TMEM248: variants seen among roughly 807,000 people sequenced by gnomAD.
TMEM248 encodes transmembrane protein 248, also known as UPF0458 protein C7orf42.
In TMEM248, 9 loss-of-function variants were observed where a neutral mutation model predicts 30.3. The ratio of observed to expected loss-of-function variants is 0.30; its 90% CI spans 0.18 to 0.52. The LOEUF is 0.52. TMEM248 is among the 20% of genes least tolerant of loss of function. The pLI is 0.97. For missense variants in TMEM248, 338 were observed against 403.3 expected (o/e 0.84, Z 1.39); for synonymous variants, 184 against 154.4 (o/e 1.19, Z -1.42).
rs199854015 is a variant in TMEM248, at chr7:66,956,895, G to GA, written c.*1375dup. 6,768 of 152,216 alleles carry GA rather than the reference G, an allele frequency of 0.044. 291 individuals carry two copies. The highest frequency in any genetic ancestry group is 0.12 in the Admixed American group (1,863 of 15,252). The allele number at this position is 152,216 out of a possible 1,614,324, so 9.4% of individuals were successfully genotyped here. On this transcript the variant is annotated 3_prime_UTR_variant, in exon 7 of 7. Coordinates refer to ENST00000341567, the MANE Select transcript of TMEM248 (RefSeq NM_017994.5). ...TCCCTCTGTTGCCCAGGCTGGTCTG[G>GA]AACTCCTAGCTTCAAATGATCCTCT...
At chr7:66,939,980 G>A (rs899392712) in intron 1 of TMEM248, among the ~76,000 whole-genome samples, 1 of 152,044 alleles carries the variant, frequency 6.6e-6, no homozygotes, top group African/African-American at 2.4e-5. Context: ...AATTGAGACA[G>A]TCTCATTCTG....
intron 4 of TMEM248, 134 bp from the exon 5 acceptor site, chr7:66,950,818 T>C: frequency 1.7e-6 from 1 of 605,252 alleles, no homozygotes; most frequent in African/African-American, 1.9e-5. Flanking sequence ...CAAAGAAGCA[T>C]GAACGTGTAA....
At chr7:66,935,048 C>T (rs1326651849) in intron 1 of TMEM248, among the ~76,000 whole-genome samples, 1 of 151,844 alleles carries the variant, frequency 6.6e-6, no homozygotes, top group Non-Finnish European at 1.5e-5. Context: ...GAGTGAGACT[C>T]TTGTGTCCAA....
intron 1 of TMEM248, among the ~76,000 whole-genome samples, chr7:66,924,652 A>G (rs1285146046): frequency 6.6e-6 from 1 of 151,378 alleles, no homozygotes; most frequent in Non-Finnish European, 1.5e-5. Context: ...TGGTCCGCCC[A>G]CTGCGGCCTC....
intron 3 of TMEM248, among the ~76,000 whole-genome samples, chr7:66,946,023 G>T (rs1236578041): frequency 6.6e-6 from 1 of 151,752 alleles, no homozygotes; most frequent in East Asian, 1.9e-4. Context: ...GGCAGAGGTT[G>T]CAGTGAGCTG....
intron 5 of TMEM248, 145 bp downstream of exon 5, chr7:66,951,280 C>G: frequency 1.4e-6 from 1 of 705,866 alleles, no homozygotes; most frequent in Non-Finnish European, 2.1e-6. Flanking sequence ...TGAGTTAGGA[C>G]ACTAGGCGGA....
At chr7:66,938,209 GT>G (rs1791854911) in intron 1 of TMEM248, among the ~76,000 whole-genome samples, 1 of 151,932 alleles carries the variant, frequency 6.6e-6, no homozygotes, top group African/African-American at 2.4e-5. Context: ...TTTGTTAGTT[GT>G]TTTTTGGTTG....
chr7:66,952,283 A>G (rs1408691726), intron 5 of TMEM248, among the ~76,000 whole-genome samples: 1 of 152,112 alleles, frequency 6.6e-6, no homozygotes, highest in African/African-American at 2.4e-5. Context: ...CATGTTGGCC[A>G]GGTTGGTGTT....
In TMEM248 at chr7:66,945,167, C is replaced by T. The variant is rs777928351; in HGVS notation, c.351C>T (p.Thr117=). ...CGGTGAATATCTCAGTCTCAATCAC[C>T]CTAACCCTGGACCCACTGAAACCCT... ...SGPVNISVSI[T]LTLDPLKPFG... Residue 117 remains threonine (T), a synonymous_variant, in exon 3 of 7, where the codon ACC becomes ACT. Transcript: ENST00000341567. The T allele has an allele frequency of 6.2e-7, 1 of 1,614,202 alleles. No individual in the cohort carries two copies. The highest frequency in any genetic ancestry group is 2.2e-5 in the East Asian group (1 of 44,880).
chr7:66,944,387 G>C (rs927982526), intron 2 of TMEM248, among the ~76,000 whole-genome samples: 1 of 152,146 alleles, frequency 6.6e-6, no homozygotes, highest in Non-Finnish European at 1.5e-5. Flanking sequence ...TTACAGGTGC[G>C]AGCCACCGTA....
At chr7:66,931,795 T>C (rs1201482191) in intron 1 of TMEM248, among the ~76,000 whole-genome samples, 1 of 111,662 alleles carries the variant, frequency 9.0e-6, no homozygotes. Flanking sequence ...CTTCCTCCTT[T>C]TTTTTTTTTT....
intron 1 of TMEM248, among the ~76,000 whole-genome samples, chr7:66,931,023 C>G (rs1053974077): frequency 6.6e-6 from 1 of 151,968 alleles, no homozygotes; most frequent in Non-Finnish European, 1.5e-5. Context: ...GAATGGTGGG[C>G]CTGGTGTGGT....
chr7:66,952,877 G>A (rs562019077), intron 5 of TMEM248, among the ~76,000 whole-genome samples: 37 of 152,328 alleles, frequency 2.4e-4, no homozygotes, highest in African/African-American at 8.7e-4. Context: ...ACGAGGATGT[G>A]TCCAGAAAGG....
intron 1 of TMEM248, among the ~76,000 whole-genome samples, chr7:66,940,812 TAA>T (rs1489570284): frequency 6.6e-6 from 1 of 152,246 alleles, no homozygotes; most frequent in East Asian, 1.9e-4. Context: ...GAATGTCGAA[TAA>T]ATAGAATTCA....
chr7:66,956,642 A>G lies in TMEM248; in HGVS notation c.*1120A>G, dbSNP rs1038794875. On this transcript the variant is annotated 3_prime_UTR_variant, in exon 7 of 7. Coordinates refer to ENST00000341567, the MANE Select transcript of TMEM248 (RefSeq NM_017994.5). Reference sequence around the variant, plus strand: ...GGAATGCAATTCTGATTTGCCATTTATCAGGGAAAACTGAAAGCATTTTTC... The same window carrying G: ...GGAATGCAATTCTGATTTGCCATTTGTCAGGGAAAACTGAAAGCATTTTTC... The G allele has an allele frequency of 1.3e-5, 2 of 152,232 alleles. No individual in the cohort carries two copies. Among genetic ancestry groups the G allele is most frequent in the African/African-American group, 4.8e-5 (2 of 41,456 alleles). 9.4% of individuals were successfully genotyped at this position (152,232 alleles called of 1,614,324 possible).
At chr7:66,947,407 TTTG>T (rs1335140804) in intron 3 of TMEM248, among the ~76,000 whole-genome samples, 2 of 152,008 alleles carry the variant, frequency 1.3e-5, no homozygotes, top group Non-Finnish European at 2.9e-5. Flanking sequence ...TTCGGGATTT[TTTG>T]TTGTTATTTT....
chr7:66,932,327 TC>T, intron 1 of TMEM248, among the ~76,000 whole-genome samples: 1 of 152,334 alleles, frequency 6.6e-6, no homozygotes, highest in East Asian at 1.9e-4. Context: ...CACAGTCTTT[TC>T]CTGGCCACCC....
intron 1 of TMEM248, among the ~76,000 whole-genome samples, chr7:66,941,591 C>T (rs1791957748): frequency 6.9e-6 from 1 of 145,444 alleles, no homozygotes; most frequent in East Asian, 2.0e-4. Flanking sequence ...CACACACACA[C>T]ACACACAATA....
chr7:66,923,219 C>T (rs1319608601), intron 1 of TMEM248, among the ~76,000 whole-genome samples: 1 of 151,824 alleles, frequency 6.6e-6, no homozygotes, highest in Non-Finnish European at 1.5e-5. Flanking sequence ...GAAGTTAGCT[C>T]ACTGCAACCT....
Sources: gnomAD v4.1 joint callset for allele counts (sites outside exome capture counted in the v4.1 genomes callset) on GRCh38, gnomAD v4.1.1 for gene constraint, MANE v1.5 for transcripts, NCBI Gene and HGNC (gene_info 2026-07-23, HGNC 2026-07-21) for gene names.